The following SLC44A5 variants were observed in gnomAD, a reference collection of about 807,000 sequenced individuals.
SLC44A5 encodes the protein choline transporter-like protein 5.
SLC44A5 carries 57 observed loss-of-function variants against 101.8 expected under a neutral mutation model. The observed-to-expected ratio is 0.56, with a 90% CI of 0.45 to 0.70. The LOEUF (loss-of-function observed/expected upper bound fraction) is 0.70. Ranked by LOEUF, SLC44A5 falls within the 30% of genes least tolerant of loss-of-function variation. SLC44A5 has a pLI of 0.00. For missense variants in SLC44A5, 737 were observed against 853.1 expected (o/e 0.86, Z 1.70); for synonymous variants, 281 against 290.9 (o/e 0.97, Z 0.35).
In SLC44A5 at chr1:75,242,061, A is replaced by C. The variant is rs1381095744; in HGVS notation, c.472T>G (p.Ser158Ala). 6.2e-7 allele frequency: 1 copy of C among 1,611,300 alleles called. No homozygotes were observed. Among genetic ancestry groups the C allele is most frequent in the South Asian group, 1.1e-5 (1 of 90,930 alleles). ...FCKTTAKPVK[S>A]LTQLLLDDDC... ...TCATCCAGTAAAAGCTGTGTGAGAG[A>C]CTAAAATAGAAGGAAGAACGTTAAC... Residue 158 changes from serine to alanine, a missense_variant and splice_region_variant, in exon 9 of 24, where the codon TCT (serine) becomes GCT (alanine). Physicochemically the swap from Ser to Ala is moderately conservative, Grantham distance 99 (BLOSUM62 1). Transcript: ENST00000370859.
intron 4 of SLC44A5, among the ~76,000 whole-genome samples, chr1:75,313,914 A>G (rs990732517): frequency 2.0e-5 from 3 of 152,216 alleles, no homozygotes; most frequent in Non-Finnish European, 4.4e-5. Context: ...TAAAAGTTGT[A>G]CAGTGAAGGA....
At chr1:75,721,120 T>G in the SLC44A5 span, among the ~76,000 whole-genome samples, 3 of 152,172 alleles carry the variant, frequency 2.0e-5, no homozygotes, top group Admixed American at 6.5e-5. Context: ...GTGTTGATGT[T>G]AACATCACTG....
intron 6 of SLC44A5, among the ~76,000 whole-genome samples, chr1:75,262,987 G>C (rs561971025): frequency 6.6e-5 from 10 of 152,150 alleles, no homozygotes; most frequent in African/African-American, 1.9e-4. Flanking sequence ...ACTCAATATG[G>C]ATTAACGACT....
At chr1:75,662,664 TTAGA>T in the SLC44A5 span, among the ~76,000 whole-genome samples, 1 of 140,420 alleles carries the variant, frequency 7.1e-6, no homozygotes. Context: ...ATTTTAAAAA[TTAGA>T]TATATGTATG....
the SLC44A5 span, among the ~76,000 whole-genome samples, chr1:75,673,695 C>T: frequency 1.3e-5 from 2 of 152,140 alleles, no homozygotes; most frequent in Non-Finnish European, 2.9e-5. Context: ...CCATCCTTCC[C>T]CAAGCTCCTA....
intron 6 of SLC44A5, among the ~76,000 whole-genome samples, chr1:75,259,081 CA>C (rs1015095607): frequency 1.9e-4 from 29 of 152,238 alleles, no homozygotes; most frequent in African/African-American, 6.7e-4. Context: ...GAAATCAGCA[CA>C]AAAAGGCTGA....
chr1:75,553,377 T>G (rs1672047380), intron 1 of SLC44A5, among the ~76,000 whole-genome samples: 1 of 152,218 alleles, frequency 6.6e-6, no homozygotes. Context: ...TTTAATCAAA[T>G]AATTTTACTT....
In SLC44A5 at chr1:75,218,805, TAAC is replaced by T; in HGVS notation, c.1267-56_1267-54del. 3 of 1,518,692 alleles carry T rather than the reference TAAC, an allele frequency of 2.0e-6. No homozygotes were observed. The East Asian group carries it at 6.8e-5, about 35-fold the overall frequency. 94.1% of individuals were successfully genotyped at this position (1,518,692 alleles called of 1,614,324 possible). On this transcript the variant is annotated intron_variant, in intron 16 of 23. Coordinates refer to ENST00000370859, the MANE Select transcript of SLC44A5 (RefSeq NM_001130058.2). ...CATAATATTAAATATCACTCCAAGA[TAAC>T]AACTCCCTGTGTTTTCCTCTTCCCC...
At chr1:75,535,172 T>A (rs1277737649) in intron 2 of SLC44A5, among the ~76,000 whole-genome samples, 1 of 152,042 alleles carries the variant, frequency 6.6e-6, no homozygotes, top group African/African-American at 2.4e-5. Context: ...GGCAGTTCTG[T>A]TACTTCACAG....
intron 2 of SLC44A5, among the ~76,000 whole-genome samples, chr1:75,493,873 T>C (rs1668541548): frequency 6.6e-6 from 1 of 152,192 alleles, no homozygotes; most frequent in African/African-American, 2.4e-5. Context: ...ACAAAGTGAC[T>C]GAGGAAATTC....
At chr1:75,640,751 T>G in the SLC44A5 span, among the ~76,000 whole-genome samples, 25 of 152,262 alleles carry the variant, frequency 1.6e-4, no homozygotes, top group African/African-American at 5.3e-4. Flanking sequence ...AGTTGTGCCT[T>G]CTGAAAGAGC....
chr1:75,442,778 C>T (rs1391656207), intron 2 of SLC44A5, among the ~76,000 whole-genome samples: 4 of 152,110 alleles, frequency 2.6e-5, no homozygotes, highest in South Asian at 2.1e-4. Flanking sequence ...GCAATAATCC[C>T]CTTCTTGAAT....
intron 3 of SLC44A5, among the ~76,000 whole-genome samples, chr1:75,371,270 T>G (rs1272121612): frequency 6.6e-6 from 1 of 152,248 alleles, no homozygotes; most frequent in East Asian, 1.9e-4. Context: ...ATGCAGTTTG[T>G]GTTCAATTGT....
Position 75,203,640 on chromosome 1 carries a change from C to T in SLC44A5, c.*87G>A. Reference sequence around the variant, plus strand: ...AGGTCGTGAATACAGTGTTGCTAAACACAAAGCACTTATGAAACAAATGTT... The same window carrying T: ...AGGTCGTGAATACAGTGTTGCTAAATACAAAGCACTTATGAAACAAATGTT... On this transcript the variant is annotated 3_prime_UTR_variant, in exon 24 of 24. Transcript: ENST00000370859. The T allele has an allele frequency of 3.5e-6, 5 of 1,447,690 alleles. No homozygotes were observed. The highest frequency in any genetic ancestry group is 3.7e-6 in the Non-Finnish European group (4 of 1,091,344). The allele number at this position is 1,447,690 out of a possible 1,614,324, so 89.7% of individuals were successfully genotyped here.
At chr1:75,442,259 C>T (rs1007704837) in intron 2 of SLC44A5, among the ~76,000 whole-genome samples, 2 of 151,802 alleles carry the variant, frequency 1.3e-5, no homozygotes, top group Non-Finnish European at 2.9e-5. Flanking sequence ...TTTATAGCTG[C>T]TAAAGGAAAA....
At position 75,497,244 on chromosome 1, in the gene SLC44A5, T is replaced by C. The variant is rs150460031; in HGVS notation, c.13+44191A>G. ...AATATGGGAACAACCTAAGTGTCTA[T>C]AGACTGATGAATGGGAAAAAAAATT... On this transcript the variant is annotated intron_variant, in intron 2 of 23. Coordinates refer to ENST00000370859, the MANE Select transcript of SLC44A5 (RefSeq NM_001130058.2). Among the ~76,000 whole-genome samples the C allele has an allele frequency of 1.8e-4, 27 of 152,198 alleles. 1 individual carries two copies. In the East Asian group the frequency reaches 5.0e-3, roughly 28 times the overall value.
At chr1:75,561,822 C>T (rs1231553689) in intron 1 of SLC44A5, among the ~76,000 whole-genome samples, 1 of 151,920 alleles carries the variant, frequency 6.6e-6, no homozygotes, top group Non-Finnish European at 1.5e-5. Context: ...TTGTAATTTA[C>T]CATAGAGTGA....
intron 2 of SLC44A5, among the ~76,000 whole-genome samples, chr1:75,510,528 G>C (rs1189200978): frequency 1.3e-5 from 2 of 152,152 alleles, no homozygotes; most frequent in Non-Finnish European, 2.9e-5. Flanking sequence ...AGGCTATTTG[G>C]CCAGTTGGGG....
chr1:75,279,860 G>C (rs1349210271), intron 5 of SLC44A5, among the ~76,000 whole-genome samples: 1 of 151,808 alleles, frequency 6.6e-6, no homozygotes, highest in East Asian at 1.9e-4. Context: ...CACCTGAGCA[G>C]TGTACATTCT....
Sources: gnomAD v4.1 joint callset for allele counts (sites outside exome capture counted in the v4.1 genomes callset) on GRCh38, gnomAD v4.1.1 for gene constraint, MANE v1.5 for transcripts, NCBI Gene and HGNC (gene_info 2026-07-23, HGNC 2026-07-21) for gene names.